Variants in FAR2 observed in about 807,000 individuals in gnomAD.
FAR2 encodes fatty acyl-CoA reductase 2, also known as epididymis secretory protein Li 81.
FAR2 carries 19 observed loss-of-function variants against 56.0 expected under a neutral mutation model. That is an observed-to-expected ratio of 0.34 (90% CI 0.24 to 0.50). The LOEUF is 0.50. FAR2 is among the 20% of genes least tolerant of loss of function. The probability of loss-of-function intolerance (pLI) is 0.98; values close to 1 mark genes in which losing one functional copy is unlikely to be tolerated. For missense variants in FAR2, 508 were observed against 642.2 expected (o/e 0.79, Z 2.26); for synonymous variants, 219 against 218.8 (o/e 1.00, Z -0.01).
chr12:29,285,150 C>T (rs749331933), intron 2 of FAR2, among the ~76,000 whole-genome samples: 41 of 152,060 alleles, frequency 2.7e-4, no homozygotes, highest in Non-Finnish European at 5.0e-4. Context: ...CGCATTACTG[C>T]TAAGTTTCTT....
intron 2 of FAR2, 77 bp downstream of exon 2, chr12:29,270,715 C>CCTG: frequency 7.7e-7 from 1 of 1,291,458 alleles, no homozygotes; most frequent in Non-Finnish European, 1.0e-6. Flanking sequence ...CTCTTATAGT[C>CCTG]TCATATTGCA....
Position 29,294,110 on chromosome 12 carries a change from T to TA in FAR2, c.365+636dup, listed in dbSNP as rs1452276521. 2.0e-5 allele frequency among the ~76,000 whole-genome samples: 3 copies of TA among 152,230 alleles called. No homozygotes were observed. In the East Asian group the frequency reaches 5.8e-4, roughly 29 times the overall value. On this transcript the variant is annotated intron_variant, in intron 3 of 11. Coordinates refer to ENST00000536681, the MANE Select transcript of FAR2 (RefSeq NM_001271783.2). ...CTCTGTGCACATGAATGCTCATTTT[T>TA]ACAGTCACAAAATAATACTATAATT...
chr12:29,160,331 CCCTGCATAACA>C (rs1949771164), intron 1 of FAR2, among the ~76,000 whole-genome samples: 1 of 152,158 alleles, frequency 6.6e-6, no homozygotes, highest in Non-Finnish European at 1.5e-5. Flanking sequence ...TATGTCATTC[CCCTGCATAACA>C]CCTTCCATGG....
At chr12:29,258,860 T>C (rs1948371538) in intron 1 of FAR2, among the ~76,000 whole-genome samples, 1 of 152,228 alleles carries the variant, frequency 6.6e-6, no homozygotes, top group African/African-American at 2.4e-5. Context: ...TATGGATGCA[T>C]TTATAGCACA....
chr12:29,156,463 TATTCAAACATTTG>T (rs1028811239), intron 1 of FAR2: 49 of 152,346 alleles, frequency 3.2e-4, no homozygotes, highest in African/African-American at 1.2e-3. Flanking sequence ...TTGTAAATTT[TATTCAAACATTTG>T]AACTCATATA....
In FAR2 at chr12:29,307,773, A is replaced by G; in HGVS notation, c.661A>G (p.Asn221Asp). 1 of 1,613,340 alleles carries G rather than the reference A, an allele frequency of 6.2e-7. No individual in the cohort carries two copies. ...GEMVVQQESR[N>D]LNIAIIRPSI... ...AATGGTGGTGCAGCAAGAGAGCAGGAACCTGAACATTGCCATCATAAGGCC... is the reference window on the plus strand; with the variant it reads ...AATGGTGGTGCAGCAAGAGAGCAGGGACCTGAACATTGCCATCATAAGGCC... The change falls in exon 5 of 12, where the codon AAC becomes GAC. Residue 221 changes from asparagine (N) to aspartate (D), a missense_variant. Asn to Asp is a conservative substitution (Grantham distance 23). Transcript: ENST00000536681.
chr12:29,259,231 C>G (rs1223438311), intron 1 of FAR2, among the ~76,000 whole-genome samples: 1 of 152,270 alleles, frequency 6.6e-6, no homozygotes, highest in East Asian at 1.9e-4. Context: ...CAGATAGGGT[C>G]AGGTGGGTGT....
At chr12:29,291,588 T>C in intron 2 of FAR2, 2 of 394,636 alleles carry the variant, frequency 5.1e-6, no homozygotes, top group Non-Finnish European at 1.0e-5. Context: ...TTCCTGGGTG[T>C]GCCCTAGTAA....
At chr12:29,204,439 AG>A (rs1320197122) in intron 1 of FAR2, among the ~76,000 whole-genome samples, 3 of 152,154 alleles carry the variant, frequency 2.0e-5, no homozygotes, top group South Asian at 4.1e-4. Context: ...TACTCTACAT[AG>A]GGTGTTTAAG....
chr12:29,201,340 G>A (rs924108), intron 1 of FAR2, among the ~76,000 whole-genome samples: 27,429 of 152,044 alleles, frequency 0.18, 2,575 homozygotes, highest in Non-Finnish European at 0.21. Flanking sequence ...ACATACGTGT[G>A]AGCATATATT....
At chr12:29,157,878 A>G (rs1949744317) in intron 1 of FAR2, among the ~76,000 whole-genome samples, 1 of 152,224 alleles carries the variant, frequency 6.6e-6, no homozygotes, top group African/African-American at 2.4e-5. Context: ...TTGTCAAGAA[A>G]CCAAAAGAAT....
intron 1 of FAR2, among the ~76,000 whole-genome samples, chr12:29,157,517 T>G (rs571311479): frequency 6.6e-6 from 1 of 152,268 alleles, no homozygotes; most frequent in South Asian, 2.1e-4. Context: ...AAAATATGGC[T>G]TCTCCAACCA....
intron 1 of FAR2, among the ~76,000 whole-genome samples, chr12:29,237,959 T>A (rs753167491): frequency 1.3e-5 from 2 of 152,268 alleles, no homozygotes; most frequent in Non-Finnish European, 2.9e-5. Flanking sequence ...ATTTTCCAAG[T>A]GACCAATGCA....
At chr12:29,296,862 T>C (rs552835004) in intron 3 of FAR2, among the ~76,000 whole-genome samples, 159 bp from the exon 4 acceptor site, 1 of 152,348 alleles carries the variant, frequency 6.6e-6, no homozygotes, top group African/African-American at 2.4e-5. Flanking sequence ...ATTCCGAGTA[T>C]CACATAACTG....
intron 10 of FAR2, among the ~76,000 whole-genome samples, chr12:29,330,512 T>C (rs1178168901): frequency 1.3e-5 from 2 of 152,238 alleles, no homozygotes; most frequent in Non-Finnish European, 2.9e-5. Flanking sequence ...AATATTTAGT[T>C]ACTTTCCTCC....
intron 4 of FAR2, among the ~76,000 whole-genome samples, chr12:29,297,708 A>G (rs1481952840): frequency 6.6e-6 from 1 of 152,202 alleles, no homozygotes; most frequent in Non-Finnish European, 1.5e-5. Flanking sequence ...CACTTATTGC[A>G]GTGCTAGGGA....
intron 1 of FAR2, among the ~76,000 whole-genome samples, chr12:29,234,969 G>A (rs9804966): frequency 1.3e-5 from 2 of 152,078 alleles, no homozygotes; most frequent in African/African-American, 4.8e-5. Flanking sequence ...ATCTTGGAGA[G>A]TGTATGTTTC....
intron 10 of FAR2, 134 bp from the exon 11 acceptor site, chr12:29,332,466 C>A: frequency 8.3e-7 from 1 of 1,207,186 alleles, no homozygotes; most frequent in Non-Finnish European, 1.1e-6. Flanking sequence ...CTCAAATAAT[C>A]TCTCCTTTGG....
intron 1 of FAR2, among the ~76,000 whole-genome samples, chr12:29,239,810 T>A (rs1279496879): frequency 1.3e-5 from 2 of 152,240 alleles, no homozygotes; most frequent in African/African-American, 4.8e-5. Context: ...ATATATATCC[T>A]CTGGCTTTAT....
Sources: allele counts gnomAD v4.1 joint callset (sites outside exome capture counted in the v4.1 genomes callset), GRCh38; gene constraint gnomAD v4.1.1; transcripts MANE v1.5; gene names NCBI Gene and HGNC (gene_info 2026-07-23, HGNC 2026-07-21).